Variants in ATAD2B observed in about 807,000 individuals in gnomAD.
ATAD2B encodes the protein ATPase family AAA domain-containing protein 2B.
ATAD2B carries 40 observed loss-of-function variants against 167.6 expected under a neutral mutation model. The ratio of observed to expected loss-of-function variants is 0.24; its 90% CI spans 0.19 to 0.31. ATAD2B has a LOEUF of 0.31. ATAD2B is among the 10% of genes least tolerant of loss of function. ATAD2B has a pLI of 1.00. For missense variants in ATAD2B, 1,242 were observed against 1,757.2 expected (o/e 0.71, Z 5.24); for synonymous variants, 579 against 596.5 (o/e 0.97, Z 0.43).
intron 24 of ATAD2B, among the ~76,000 whole-genome samples, chr2:23,761,962 T>C (rs893772288): frequency 6.6e-6 from 1 of 152,072 alleles, no homozygotes; most frequent in African/African-American, 2.4e-5. Flanking sequence ...AGTTTAAAAC[T>C]GAAAATATTC....
intron 16 of ATAD2B, among the ~76,000 whole-genome samples, chr2:23,820,529 G>T (rs1687281903): frequency 6.6e-6 from 1 of 152,164 alleles, no homozygotes; most frequent in South Asian, 2.1e-4. Context: ...AGTATGAACA[G>T]CTGTTGCTAT....
chr2:23,845,512 T>C (rs1448609972), intron 13 of ATAD2B, among the ~76,000 whole-genome samples: 1 of 151,488 alleles, frequency 6.6e-6, no homozygotes, highest in Non-Finnish European at 1.5e-5. Flanking sequence ...ATACAGAGAT[T>C]AGATTAGTGG....
downstream of ATAD2B, among the ~76,000 whole-genome samples, chr2:23,744,535 T>C (rs1160321350): frequency 6.6e-6 from 1 of 152,236 alleles, no homozygotes; most frequent in Non-Finnish European, 1.5e-5. Flanking sequence ...GGTACTGTTC[T>C]AAGTGCTTTA....
the ATAD2B span, chr2:23,691,272 G>A: frequency 3.8e-6 from 1 of 262,054 alleles, no homozygotes; most frequent in Non-Finnish European, 7.4e-6. Context: ...GGTCACGTTG[G>A]AGAATCTGCC....
At chr2:23,907,369 T>A (rs1573385034) in intron 1 of ATAD2B, among the ~76,000 whole-genome samples, 1 of 151,920 alleles carries the variant, frequency 6.6e-6, no homozygotes, top group East Asian at 1.9e-4. Context: ...CCATTCACAA[T>A]TGCTTCAAAG....
chr2:23,683,459 TGAAA>T, the ATAD2B span, among the ~76,000 whole-genome samples: 2 of 152,224 alleles, frequency 1.3e-5, no homozygotes, highest in Non-Finnish European at 2.9e-5. Context: ...CTTTTGCCAA[TGAAA>T]GAGAGTGTGC....
At chr2:23,851,822 G>GA (rs1244709524) in intron 13 of ATAD2B, among the ~76,000 whole-genome samples, 5 of 151,560 alleles carry the variant, frequency 3.3e-5, no homozygotes, top group South Asian at 2.1e-4. Context: ...TATAAAATTG[G>GA]AAACAAAAAT....
At chr2:23,777,857 A>T (rs937157471) in intron 22 of ATAD2B, among the ~76,000 whole-genome samples, 2 of 152,182 alleles carry the variant, frequency 1.3e-5, no homozygotes, top group African/African-American at 4.8e-5. Flanking sequence ...TGTTCCCATC[A>T]TTTAATTTCT....
intron 18 of ATAD2B, among the ~76,000 whole-genome samples, chr2:23,801,694 C>T (rs1288737351): frequency 6.6e-6 from 1 of 151,864 alleles, no homozygotes; most frequent in Non-Finnish European, 1.5e-5. Context: ...ATCATAAGGA[C>T]CTTAGATAAC....
At chr2:23,922,716 A>AAAAAAAAAAAAAAAG in intron 1 of ATAD2B, among the ~76,000 whole-genome samples, 1 of 150,784 alleles carries the variant, frequency 6.6e-6, no homozygotes, top group South Asian at 2.1e-4. Context: ...AAAAAAAAAA[A>AAAAAAAAAAAAAAAG]GGGTCCTAAC....
the ATAD2B span, among the ~76,000 whole-genome samples, chr2:23,742,058 G>A: frequency 2.0e-5 from 3 of 152,112 alleles, no homozygotes; most frequent in Admixed American, 6.5e-5. Flanking sequence ...GAAACAACAG[G>A]TGCTGGAGAG....
chr2:23,735,159 A>G, the ATAD2B span, among the ~76,000 whole-genome samples: 2 of 152,242 alleles, frequency 1.3e-5, no homozygotes, highest in African/African-American at 2.4e-5. Flanking sequence ...CTACCTATAC[A>G]GCATTATCTT....
the ATAD2B span, among the ~76,000 whole-genome samples, chr2:23,681,101 T>A: frequency 6.6e-6 from 1 of 152,112 alleles, no homozygotes; most frequent in African/African-American, 2.4e-5. The surrounding 1 kb of genome is among the most constrained non-coding windows in gnomAD (Gnocchi z 4.2). Context: ...ATTCTGGGTC[T>A]CCCCACCGAC....
In ATAD2B at chr2:23,749,323, C is replaced by T. The variant is rs1285167082; in HGVS notation, c.*2723G>A. The T allele has an allele frequency of 6.6e-6, 1 of 152,110 alleles. No homozygotes were observed. 9.4% of individuals were successfully genotyped at this position (152,110 alleles called of 1,614,324 possible). On this transcript the variant is annotated 3_prime_UTR_variant, in exon 28 of 28. Transcript: ENST00000238789. The stretch of plus-strand genomic sequence containing the variant: ...ATTATTGCTGAGCTATGCTGTGATA[C>T]ATATTTTACTCATCTGAGAGCAAGG...
At chr2:23,697,617 T>G in the ATAD2B span, 5 of 152,230 alleles carry the variant, frequency 3.3e-5, no homozygotes, top group East Asian at 1.9e-4. Context: ...GCAAAGACGG[T>G]TGCAGAGTGA....
intron 12 of ATAD2B, among the ~76,000 whole-genome samples, chr2:23,859,409 A>G (rs1018137679): frequency 3.3e-5 from 5 of 151,976 alleles, no homozygotes; most frequent in African/African-American, 9.7e-5. Flanking sequence ...CACCAGCTCA[A>G]TCAATTCTCC....
At chr2:23,740,381 GC>G in the ATAD2B span, among the ~76,000 whole-genome samples, 1 of 152,122 alleles carries the variant, frequency 6.6e-6, no homozygotes, top group African/African-American at 2.4e-5. Flanking sequence ...TCCCTGGGAT[GC>G]AAGGCTGGTT....
At chr2:23,770,743 A>C (rs1283504523) in intron 22 of ATAD2B, among the ~76,000 whole-genome samples, 1 of 152,330 alleles carries the variant, frequency 6.6e-6, no homozygotes, top group East Asian at 1.9e-4. Flanking sequence ...AGATTACTGT[A>C]ACTTTTTAAG....
intron 3 of ATAD2B, among the ~76,000 whole-genome samples, 173 bp from the exon 4 acceptor site, chr2:23,888,158 T>A (rs1036402919): frequency 6.6e-6 from 1 of 152,222 alleles, no homozygotes; most frequent in Admixed American, 6.5e-5. Context: ...CTGTCATAAA[T>A]AATTTAAATT....
Sources: allele counts gnomAD v4.1 joint callset (sites outside exome capture counted in the v4.1 genomes callset), GRCh38; gene constraint gnomAD v4.1.1; non-coding constraint Gnocchi (gnomAD v3.1); transcripts MANE v1.5; gene names NCBI Gene and HGNC (gene_info 2026-07-23, HGNC 2026-07-21).